Variants in NOS1 observed in about 807,000 individuals in gnomAD.
NOS1 encodes NOS type I.
In NOS1, 51 loss-of-function variants were observed where a neutral mutation model predicts 164.5. The observed-to-expected ratio is 0.31, with a 90% CI of 0.25 to 0.39. The LOEUF is 0.39. Ranked by LOEUF, NOS1 falls within the 10% of genes least tolerant of loss-of-function variation. NOS1 has a pLI of 1.00. For synonymous variants in NOS1, 719 were observed against 745.8 expected (o/e 0.96, Z 0.59); for missense variants, 1,362 against 1,885.6 (o/e 0.72, Z 5.14).
intron 15 of NOS1, 38 bp from the exon 16 acceptor site, chr12:117,258,493 T>C (rs376396724): frequency 3.7e-6 from 6 of 1,605,540 alleles, no homozygotes; most frequent in South Asian, 1.1e-5. Flanking sequence ...TAGCACATCT[T>C]AGTAAATGGG....
At chr12:117,262,455 A>AGG (rs1871997607) in intron 13 of NOS1, among the ~76,000 whole-genome samples, 1 of 110,964 alleles carries the variant, frequency 9.0e-6, no homozygotes, top group East Asian at 3.1e-4. Flanking sequence ...AGACAGAGAG[A>AGG]GGAGAGGGAG....
At chr12:117,235,930 C>T (rs910681902) in intron 20 of NOS1, among the ~76,000 whole-genome samples, 2 of 152,184 alleles carry the variant, frequency 1.3e-5, no homozygotes, top group Non-Finnish European at 2.9e-5. Flanking sequence ...GTAATCCCAG[C>T]TACTTGGGAG....
chr12:117,307,438 G>A (rs561808662), intron 3 of NOS1, among the ~76,000 whole-genome samples: 2 of 152,258 alleles, frequency 1.3e-5, no homozygotes, highest in African/African-American at 4.8e-5. Context: ...AGGGCTCACT[G>A]TAGCCTCAAC....
rs1956500444 is a variant in NOS1, at chr12:117,209,831, G to A, written c.*5478C>T. ...AGTGGGCCAAGGATAGGGAGTGTGA[G>A]ATAAAGGGCAGAGGCCAGGCCAGGT... On this transcript the variant is annotated 3_prime_UTR_variant, in exon 29 of 29. Transcript: ENST00000317775. The A allele has an allele frequency of 1.0e-6, 1 of 985,500 alleles. No homozygotes were observed. Among genetic ancestry groups the A allele is most frequent in the African/African-American group, 1.7e-5 (1 of 57,364 alleles). 61.0% of individuals were successfully genotyped at this position (985,500 alleles called of 1,614,324 possible). A position where few individuals can be genotyped will look rare whatever the true frequency, so the allele number is the denominator to read the frequency against.
intron 1 of NOS1, among the ~76,000 whole-genome samples, chr12:117,353,928 C>G (rs1200618853): frequency 6.6e-6 from 1 of 152,046 alleles, no homozygotes; most frequent in East Asian, 1.9e-4. Flanking sequence ...GGTGAGAATC[C>G]ACCTCTACAA....
At chr12:117,259,277 G>A (rs1871699930) in intron 14 of NOS1, 147 bp from the exon 15 acceptor site, 5 of 613,642 alleles carry the variant, frequency 8.1e-6, no homozygotes, top group Non-Finnish European at 1.5e-5. Flanking sequence ...TCCTTTGGAA[G>A]GAGAACCAAA....
At chr12:117,245,779 A>G (rs1870570923) in intron 18 of NOS1, 1 of 152,268 alleles carries the variant, frequency 6.6e-6, no homozygotes, top group Non-Finnish European at 1.5e-5. Flanking sequence ...TTAGCTGGGC[A>G]TTGCGGCAGG....
At position 117,263,992 on chromosome 12, in the gene NOS1, G is replaced by A. The variant is rs1397068166; in HGVS notation, c.2137-18C>T. On this transcript the variant is annotated intron_variant, in intron 12 of 28. Transcript: ENST00000317775. ...GGATCAGGCTGGGAAGAGAAGGAGA[G>A]GGCTATGGTCACTCACTGCAGTGAG... 4 of 1,608,742 alleles carry A rather than the reference G, an allele frequency of 2.5e-6. No individual in the cohort carries two copies. Among genetic ancestry groups the A allele is most frequent in the Non-Finnish European group, 3.4e-6 (4 of 1,175,530 alleles).
At chr12:117,352,865 C>G (rs1251242070) in intron 1 of NOS1, among the ~76,000 whole-genome samples, 2 of 152,124 alleles carry the variant, frequency 1.3e-5, no homozygotes, top group African/African-American at 4.8e-5. Flanking sequence ...AAGTTGAAAG[C>G]CATTCTTGCC....
intron 1 of NOS1, among the ~76,000 whole-genome samples, chr12:117,355,748 A>G (rs976860322): frequency 1.3e-5 from 2 of 152,238 alleles, no homozygotes; most frequent in Non-Finnish European, 2.9e-5. Flanking sequence ...ATTTAAAAAA[A>G]TTAATTAATG....
At position 117,243,910 on chromosome 12, in the gene NOS1, A is replaced by C. The variant is rs188744615; in HGVS notation, c.2824-475T>G. On this transcript the variant is annotated intron_variant, in intron 18 of 28. Transcript: ENST00000317775. This position sits in a 1 kb window ranked among gnomAD's most constrained non-coding sequence, Gnocchi z 4.3. ...TATCTTTCCATGCAGGCATGCATCC[A>C]TCCATTCATCTATCCATCCATCCAT... is the stretch of plus-strand genomic sequence containing the variant. Among the ~76,000 whole-genome samples, 10 of 152,110 alleles carry C rather than the reference A, an allele frequency of 6.6e-5. No homozygotes were observed. Among genetic ancestry groups the C allele is most frequent in the Non-Finnish European group, 1.5e-4 (10 of 68,016 alleles).
intron 17 of NOS1, 38 bp from the exon 18 acceptor site, chr12:117,247,560 T>TG: frequency 6.4e-7 from 1 of 1,550,502 alleles, no homozygotes; most frequent in Non-Finnish European, 8.7e-7. Flanking sequence ...GCTAAGGGAC[T>TG]GTGGGGAATG....
chr12:117,211,726 C>T lies in NOS1; in HGVS notation c.*3583G>A. 1 of 985,488 alleles carries T rather than the reference C, an allele frequency of 1.0e-6. No homozygotes were observed. The highest frequency in any genetic ancestry group is 4.7e-5 in the South Asian group (1 of 21,284). 61.0% of individuals were successfully genotyped at this position (985,488 alleles called of 1,614,324 possible). On this transcript the variant is annotated 3_prime_UTR_variant, in exon 29 of 29. Coordinates refer to ENST00000317775, the MANE Select transcript of NOS1 (RefSeq NM_000620.5). ...GTGAAATCCCGCCCATTTCTCAAAC[C>T]CCAGAAATTTATGTCAGTTCCAAGA... is the stretch of plus-strand genomic sequence containing the variant.
intron 22 of NOS1, among the ~76,000 whole-genome samples, chr12:117,229,406 T>C (rs1566028914): frequency 1.3e-5 from 2 of 152,202 alleles, no homozygotes; most frequent in Non-Finnish European, 2.9e-5. Flanking sequence ...TAGATTTGTT[T>C]TGAGGTCTGA....
At position 117,212,856 on chromosome 12, in the gene NOS1, C is replaced by A; in HGVS notation, c.*2453G>T. On this transcript the variant is annotated 3_prime_UTR_variant, in exon 29 of 29. Transcript: ENST00000317775. ...AGAGGTTACTCAACAGAGAGAGAGG[C>A]TTTTGGTATCAGGAATTCTGGCAAA... The A allele has an allele frequency of 1.0e-6, 1 of 985,386 alleles. No homozygotes were observed. Among genetic ancestry groups the A allele is most frequent in the Non-Finnish European group, 1.2e-6 (1 of 829,944 alleles). The allele number at this position is 985,386 out of a possible 1,614,324, so 61.0% of individuals were successfully genotyped here.
At position 117,272,376 on chromosome 12, in the gene NOS1, G is replaced by A; in HGVS notation, c.1839+9C>T. 2 of 1,614,034 alleles carry A rather than the reference G, an allele frequency of 1.2e-6. No individual in the cohort carries two copies. Among genetic ancestry groups the A allele is most frequent in the Non-Finnish European group, 1.7e-6 (2 of 1,179,980 alleles). On this transcript the variant is annotated intron_variant, in intron 10 of 28. Coordinates refer to ENST00000317775, the MANE Select transcript of NOS1 (RefSeq NM_000620.5). This position sits in a 1 kb window ranked among gnomAD's most constrained non-coding sequence, Gnocchi z 4.3. The stretch of plus-strand genomic sequence containing the variant: ...CTTTTCCCCTGTGGTGACCAGAGAG[G>A]GCCCTTACCTCCAGGATATTGTAGC...
chr12:117,266,517 A>C (rs896028148), intron 11 of NOS1, among the ~76,000 whole-genome samples: 1 of 148,224 alleles, frequency 6.7e-6, no homozygotes, highest in Non-Finnish European at 1.5e-5. Flanking sequence ...TTGTATAATG[A>C]CTTCTTTTAG....
chr12:117,239,330 C>A (rs1180205909), intron 20 of NOS1, among the ~76,000 whole-genome samples: 1 of 152,222 alleles, frequency 6.6e-6, no homozygotes, highest in Non-Finnish European at 1.5e-5. Context: ...CTAAAGCCCA[C>A]CCTCCCTTAA....
rs954406988 is a variant in NOS1, at chr12:117,288,180, T to G, written c.1021A>C (p.Met341Leu). ...CTCCTTGCATGCTGAGAAGGATGCA[T>G]GATGGAGCCCATGCAGATGTACTCA... ...CTEYICMGSI[M>L]HPSQHARRPE... Residue 341 changes from methionine (M) to leucine (L), a missense_variant, in exon 5 of 29, where the codon ATG (methionine) becomes CTG (leucine). Met to Leu is a conservative substitution (Grantham distance 15, BLOSUM62 2). Around this residue, in one of 4 missense-constraint regions of NOS1, gnomAD observed 129 missense variants for 186.0 expected, o/e 0.69. Coordinates refer to ENST00000317775, the MANE Select transcript of NOS1 (RefSeq NM_000620.5). 5.0e-6 allele frequency: 8 copies of G among 1,613,958 alleles called. No individual in the cohort carries two copies. Among genetic ancestry groups the G allele is most frequent in the Non-Finnish European group, 6.8e-6 (8 of 1,179,958 alleles).
Sources: allele counts gnomAD v4.1 joint callset (sites outside exome capture counted in the v4.1 genomes callset), GRCh38; gene constraint gnomAD v4.1.1; regional missense constraint gnomAD v4.1.1; non-coding constraint Gnocchi (gnomAD v3.1); transcripts MANE v1.5; gene names NCBI Gene and HGNC (gene_info 2026-07-23, HGNC 2026-07-21).